Variants in RIF1 observed in about 807,000 individuals in gnomAD.
RIF1 encodes the protein replication timing regulatory factor 1.
In RIF1, 45 loss-of-function variants were observed where a neutral mutation model predicts 247.1. That is an observed-to-expected ratio of 0.18 (90% CI 0.14 to 0.23). The LOEUF (loss-of-function observed/expected upper bound fraction) is 0.23, where lower values mean the gene tolerates loss of function less well. RIF1 is among the 10% of genes least tolerant of loss of function. RIF1 has a pLI of 1.00. For synonymous variants in RIF1, 1,087 were observed against 978.8 expected (o/e 1.11, Z -2.06); for missense variants, 2,967 against 2,862.5 (o/e 1.04, Z -0.83).
rs1324641106 is a variant in RIF1 at position 151,438,697 on chromosome 2, T to C, written c.1497T>C (p.Ser499=). ...TTTGTTTGACAGATGTGGTTGTCAG[T>C]GCTATCTGGAAGGAGCTAATTAGCT... ...VGKDAPDVVV[S]AIWKELISLV... Residue 499 remains serine, a synonymous_variant, in exon 14 of 36, where the codon AGT becomes AGC. Transcript: ENST00000444746. 1 of 1,612,288 alleles carries C rather than the reference T, an allele frequency of 6.2e-7. No homozygotes were observed.
intron 9 of RIF1, among the ~76,000 whole-genome samples, chr2:151,430,994 T>G (rs935549080): frequency 3.3e-5 from 5 of 152,174 alleles, no homozygotes; most frequent in Non-Finnish European, 5.9e-5. Context: ...ATTTTTATGT[T>G]TATGAGCTGG....
the RIF1 span, chr2:151,526,314 T>C: frequency 1.6e-6 from 2 of 1,213,698 alleles, no homozygotes; most frequent in Non-Finnish European, 2.4e-6. Context: ...ATATCCTACA[T>C]ATTTTTATTA....
In RIF1 at chr2:151,474,175, A is replaced by G. The variant is rs971115819; in HGVS notation, c.7204+103A>G. ...TGATTTGACCATGCCTTATTTCAACAATTATTTTATGTTTAATGTGAAGTA... is the reference window on the plus strand; with the variant it reads ...TGATTTGACCATGCCTTATTTCAACGATTATTTTATGTTTAATGTGAAGTA... On this transcript the variant is annotated intron_variant, in intron 35 of 35. Coordinates refer to ENST00000444746, the MANE Select transcript of RIF1 (RefSeq NM_018151.5). The G allele has an allele frequency of 4.4e-6, 3 of 681,536 alleles. No individual in the cohort carries two copies. The African/African-American group carries it at 5.5e-5, about 12-fold the overall frequency. 42.2% of individuals were successfully genotyped at this position (681,536 alleles called of 1,614,324 possible). A position where few individuals can be genotyped will look rare whatever the true frequency, so the allele number is the denominator to read the frequency against.
intron 10 of RIF1, among the ~76,000 whole-genome samples, chr2:151,435,152 A>T (rs1282427691): frequency 6.6e-6 from 1 of 152,212 alleles, no homozygotes; most frequent in Non-Finnish European, 1.5e-5. Context: ...TACTAGGATG[A>T]TGTTAGAAAT....
chr2:151,461,390 AATT>A, intron 27 of RIF1, 101 bp downstream of exon 27: 2 of 1,100,918 alleles, frequency 1.8e-6, no homozygotes, highest in South Asian at 1.4e-5. Flanking sequence ...TATGTGTACT[AATT>A]TTTTTTTTTT....
Position 151,429,766 on chromosome 2 carries a change from C to T in RIF1, c.925+844C>T, listed in dbSNP as rs575159055. Among the ~76,000 whole-genome samples, 110 of 152,126 alleles carry T rather than the reference C, an allele frequency of 7.2e-4. 1 individual carries two copies. The highest frequency in any genetic ancestry group is 3.4e-3 in the Middle Eastern group (1 of 294). On this transcript the variant is annotated intron_variant, in intron 9 of 35. Coordinates refer to ENST00000444746, the MANE Select transcript of RIF1 (RefSeq NM_018151.5). ...GTCATTCTTTTTGATTTACTTTAAC[C>T]TTATCTTCTTATTGTTCAATGGAGT...
rs200726516 is a variant in RIF1 at position 151,464,789 on chromosome 2, G to A, written c.5269G>A (p.Val1757Ile). 4.5e-5 allele frequency: 72 copies of A among 1,613,880 alleles called. No individual in the cohort carries two copies. Among genetic ancestry groups the A allele is most frequent in the Non-Finnish European group, 5.4e-5 (64 of 1,179,914 alleles). ...GTTAAAGAATACAGAAAATAATGAC[G>A]TAGAGATTAGTGAAACAAAAAAGGC... Reference protein sequence around the residue: ...IGLKNTENNDVEISETKKADV... With the variant: ...IGLKNTENNDIEISETKKADV... Residue 1757 changes from valine (V) to isoleucine (I), a missense_variant, in exon 30 of 36, where the codon GTA becomes ATA. Val to Ile is a conservative substitution (Grantham distance 29). Transcript: ENST00000444746.
Position 151,464,621 on chromosome 2 carries a change from G to A in RIF1, c.5101G>A (p.Gly1701Arg), listed in dbSNP as rs1343611863. Reference sequence around the variant, plus strand: ...TAGTTTGGGAGAATCCTCAAAAATAGGGATATCAGATATTTCTTCGCTTTC... The same window carrying A: ...TAGTTTGGGAGAATCCTCAAAAATAAGGATATCAGATATTTCTTCGCTTTC... ...NCSLGESSKIGISDISSLSEK... is the reference protein window; with the variant it reads ...NCSLGESSKIRISDISSLSEK... The change falls in exon 30 of 36, where the codon GGG becomes AGG. Residue 1701 changes from glycine (G) to arginine (R), a missense_variant. By Grantham distance (125) the Gly-to-Arg change is moderately radical. This residue lies in a region of RIF1 where 2,028 missense variants were observed against 1,825.6 expected (regional missense o/e 1.11). Transcript: ENST00000444746. The A allele has an allele frequency of 1.2e-6, 2 of 1,613,578 alleles. No homozygotes were observed. Among genetic ancestry groups the A allele is most frequent in the African/African-American group, 1.3e-5 (1 of 74,910 alleles).
At chr2:151,460,956 GTATT>G (rs1245940558) in intron 26 of RIF1, among the ~76,000 whole-genome samples, 178 bp from the exon 27 acceptor site, 2 of 152,126 alleles carry the variant, frequency 1.3e-5, no homozygotes, top group Non-Finnish European at 2.9e-5. Context: ...TACTTTCTTA[GTATT>G]TATTAGAGGC....
At chr2:151,418,734 C>T (rs1020148548) in intron 6 of RIF1, among the ~76,000 whole-genome samples, 2 of 151,834 alleles carry the variant, frequency 1.3e-5, no homozygotes, top group African/African-American at 4.8e-5. Context: ...ATCAGCCGGG[C>T]GTGGTGACGC....
At chr2:151,438,879 C>G in intron 14 of RIF1, 133 bp downstream of exon 14, 1 of 584,302 alleles carries the variant, frequency 1.7e-6, no homozygotes, top group Non-Finnish European at 3.1e-6. Context: ...CCGTAGCTTC[C>G]AGTTTTTAAT....
intron 9 of RIF1, chr2:151,490,480 C>A: frequency 6.2e-7 from 1 of 1,609,078 alleles, no homozygotes; most frequent in Non-Finnish European, 8.5e-7. Flanking sequence ...AGTGCACTGG[C>A]AGATCGTGAC....
At chr2:151,417,573 G>A (rs1021090391) in intron 6 of RIF1, among the ~76,000 whole-genome samples, 1 of 152,236 alleles carries the variant, frequency 6.6e-6, no homozygotes, top group Middle Eastern at 3.4e-3. Flanking sequence ...CAGAAAAATT[G>A]CATCTGTATT....
chr2:151,412,282 C>T (rs1452953277), intron 3 of RIF1, among the ~76,000 whole-genome samples: 1 of 146,424 alleles, frequency 6.8e-6, no homozygotes, highest in Non-Finnish European at 1.5e-5. Context: ...ATTTTTATGA[C>T]CTTGTTCTCT....
intron 29 of RIF1, 85 bp from the exon 30 acceptor site, chr2:151,462,799 T>G (rs554195074): frequency 9.5e-7 from 1 of 1,052,208 alleles, no homozygotes; most frequent in African/African-American, 1.6e-5. Context: ...TACCGAAGTT[T>G]TACACTAAAG....
At chr2:151,530,190 C>G in the RIF1 span, among the ~76,000 whole-genome samples, 1 of 152,050 alleles carries the variant, frequency 6.6e-6, no homozygotes, top group African/African-American at 2.4e-5. Flanking sequence ...AATCATTCTG[C>G]CTTTTAAAAA....
chr2:151,456,434 TA>T, intron 22 of RIF1, 143 bp from the exon 23 acceptor site: 1 of 520,180 alleles, frequency 1.9e-6, no homozygotes, highest in Admixed American at 4.1e-5. Context: ...TTGAGTTTTT[TA>T]CTTGTTAAGT....
the RIF1 span, among the ~76,000 whole-genome samples, chr2:151,516,180 C>A: frequency 1.3e-5 from 2 of 152,166 alleles, no homozygotes; most frequent in Non-Finnish European, 2.9e-5. Flanking sequence ...ATCCAAATTA[C>A]ATTCAGTATA....
At chr2:151,433,028 A>G in intron 9 of RIF1, 49 bp from the exon 10 acceptor site, 1 of 1,451,990 alleles carries the variant, frequency 6.9e-7, no homozygotes, top group Non-Finnish European at 9.5e-7. Context: ...TGTTAGAGTT[A>G]ATCTTTAGCT....
Sources: gnomAD v4.1 joint callset for allele counts (sites outside exome capture counted in the v4.1 genomes callset) on GRCh38, gnomAD v4.1.1 for gene constraint, gnomAD v4.1.1 regional missense constraint, MANE v1.5 for transcripts, NCBI Gene and HGNC (gene_info 2026-07-23, HGNC 2026-07-21) for gene names.